CEP192: variants seen among roughly 807,000 people sequenced by gnomAD.
CEP192 encodes the protein centrosomal protein of 192 kDa.
A neutral mutation model predicts 271.8 loss-of-function variants in CEP192; 151 were observed. The ratio of observed to expected loss-of-function variants is 0.56; its 90% CI spans 0.49 to 0.64. The LOEUF (loss-of-function observed/expected upper bound fraction) is 0.64. Ranked by LOEUF, CEP192 falls within the 30% of genes least tolerant of loss-of-function variation. The pLI, the probability that CEP192 is intolerant of heterozygous loss-of-function variation, is 0.00. For missense variants in CEP192, 2,910 were observed against 3,020.5 expected (o/e 0.96, Z 0.86); for synonymous variants, 995 against 1,076.5 (o/e 0.92, Z 1.48).
At chr18:13,103,384 A>G in intron 38 of CEP192, 125 bp from the exon 39 acceptor site, 1 of 681,516 alleles carries the variant, frequency 1.5e-6, no homozygotes, top group East Asian at 2.5e-5. Flanking sequence ...TTCTTGTTGA[A>G]CTCCTTTAGG....
rs181818999 is a variant in CEP192 at position 13,103,369 on chromosome 18, T to C, written c.6872-140T>C. On this transcript the variant is annotated intron_variant, in intron 38 of 44. Transcript: ENST00000506447. The stretch of plus-strand genomic sequence containing the variant: ...CATACCTGATTTTTAAAGAAAATAC[T>C]GTGGTTCTTGTTGAACTCCTTTAGG... 3.9e-5 allele frequency: 25 copies of C among 644,698 alleles called. 1 individual carries two copies. The East Asian group carries it at 6.5e-4, about 17-fold the overall frequency. 39.9% of individuals were successfully genotyped at this position (644,698 alleles called of 1,614,324 possible).
intron 21 of CEP192, among the ~76,000 whole-genome samples, chr18:13,067,215 G>A (rs986273205): frequency 3.3e-5 from 5 of 152,106 alleles, no homozygotes; most frequent in Non-Finnish European, 7.4e-5. Flanking sequence ...TTAGGTGTTT[G>A]AAGTATACAG....
At chr18:13,043,947 C>G (rs138757715) in intron 15 of CEP192, among the ~76,000 whole-genome samples, 13 of 152,162 alleles carry the variant, frequency 8.5e-5, no homozygotes, top group African/African-American at 3.1e-4. Flanking sequence ...GTGTAATAAT[C>G]ACATCATGGG....
chr18:13,084,390 A>C (rs535010397), intron 30 of CEP192, among the ~76,000 whole-genome samples: 91 of 152,220 alleles, frequency 6.0e-4, no homozygotes, highest in African/African-American at 2.1e-3. Context: ...CTGCTGTGTT[A>C]GCAGTGAGCA....
At chr18:13,099,644 A>G in intron 37 of CEP192, 63 bp downstream of exon 37, 1 of 785,828 alleles carries the variant, frequency 1.3e-6, no homozygotes. Flanking sequence ...CTTCAGTTTT[A>G]TAATCCTTAT....
In CEP192 at chr18:13,087,653, T is replaced by G. The variant is rs373677532; in HGVS notation, c.5993+7T>G. On this transcript the variant is annotated splice_region_variant and intron_variant, in intron 32 of 44. Transcript: ENST00000506447. ...CAAGACAGCAGTATCGCAGGTAGAT[T>G]ACTTATCTTACACAATGTTGGGAAC... The G allele has an allele frequency of 1.5e-5, 21 of 1,356,812 alleles. No homozygotes were observed. The African/African-American group carries it at 3.1e-4, about 20-fold the overall frequency. The allele number at this position is 1,356,812 out of a possible 1,614,324, so 84.0% of individuals were successfully genotyped here.
chr18:13,099,149 C>T (rs560770809), intron 36 of CEP192, among the ~76,000 whole-genome samples: 3 of 121,678 alleles, frequency 2.5e-5, no homozygotes, highest in Admixed American at 1.1e-4. Context: ...AGCTTCGGCT[C>T]GGCATCAGAG....
chr18:12,999,729 A>G, intron 2 of CEP192, 141 bp downstream of exon 2: 1 of 542,516 alleles, frequency 1.8e-6, no homozygotes, highest in Non-Finnish European at 3.0e-6. Context: ...TGAATATAGA[A>G]AAGACAGAAT....
intron 31 of CEP192, 105 bp from the exon 32 acceptor site, chr18:13,087,426 A>C (rs2038947290): frequency 1.1e-6 from 1 of 912,176 alleles, no homozygotes; most frequent in East Asian, 2.7e-5. Context: ...ATGCGTATGC[A>C]CTTGTGTCTG....
intron 16 of CEP192, 39 bp from the exon 17 acceptor site, chr18:13,049,726 T>G (rs2036673446): frequency 6.2e-7 from 1 of 1,604,362 alleles, no homozygotes; most frequent in African/African-American, 1.3e-5. Context: ...TTACAAAGTT[T>G]ATTTTCTCTT....
In CEP192 at chr18:13,049,521, G is replaced by A. The variant is rs976412830; in HGVS notation, c.2730G>A (p.Val910=). Residue 910 remains valine, a synonymous_variant, in exon 16 of 45, where the codon GTG becomes GTA. Transcript: ENST00000506447. ...CTCCATCTGATAGTTATTCATCAGT[G>A]AGGAACCCCAGAATAACATCCCTTT... ...ISTPSDSYSS[V]RNPRITSLCL... 1.5e-5 allele frequency: 25 copies of A among 1,613,956 alleles called. No individual in the cohort carries two copies. The highest frequency in any genetic ancestry group is 2.1e-5 in the Non-Finnish European group (25 of 1,180,022).
intron 36 of CEP192, among the ~76,000 whole-genome samples, chr18:13,098,722 C>A (rs1248929310): frequency 6.6e-6 from 1 of 151,648 alleles, no homozygotes; most frequent in Admixed American, 6.6e-5. Flanking sequence ...AGGGGCCCCT[C>A]ACATCCCAGA....
At chr18:13,030,070 T>G (rs2035530415) in intron 10 of CEP192, 68 bp downstream of exon 10, 1 of 1,218,012 alleles carries the variant, frequency 8.2e-7, no homozygotes, top group Admixed American at 2.6e-5. Flanking sequence ...AGGACATATT[T>G]TCATGTGAAA....
chr18:13,107,883 CAA>C (rs58195253), intron 40 of CEP192, among the ~76,000 whole-genome samples: 18,880 of 130,836 alleles, frequency 0.14, 1,338 homozygotes, highest in East Asian at 0.32. Context: ...ATAGTATCTC[CAA>C]AAAAAAAAAA....
At chr18:13,002,478 A>C (rs1168143603) in intron 3 of CEP192, among the ~76,000 whole-genome samples, 2 of 152,148 alleles carry the variant, frequency 1.3e-5, no homozygotes, top group Admixed American at 1.3e-4. Context: ...CTACATGTAC[A>C]TTTATATATA....
chr18:13,024,222 C>G lies in CEP192; in HGVS notation c.1050+5016C>G. 3 of 422,078 alleles carry G rather than the reference C, an allele frequency of 7.1e-6. 1 individual carries two copies. Among genetic ancestry groups the G allele is most frequent in the Non-Finnish European group, 1.4e-5 (3 of 211,944 alleles). 26.1% of individuals were successfully genotyped at this position (422,078 alleles called of 1,614,324 possible). A position where few individuals can be genotyped will look rare whatever the true frequency, so the allele number is the denominator to read the frequency against. ...GTTATGTCTTCCTAGAGAATTGATT[C>G]CTCTATATCATTATGTAGTACCCTG... is the stretch of plus-strand genomic sequence containing the variant. On this transcript the variant is annotated intron_variant, in intron 9 of 44. Transcript: ENST00000506447.
chr18:13,085,662 C>A (rs2038864249), intron 30 of CEP192, among the ~76,000 whole-genome samples: 1 of 152,166 alleles, frequency 6.6e-6, no homozygotes, highest in Non-Finnish European at 1.5e-5. Flanking sequence ...ATCCTTTCCC[C>A]ATTTCTTGTT....
chr18:13,001,031 G>T (rs1172033868), intron 2 of CEP192, among the ~76,000 whole-genome samples: 1 of 152,120 alleles, frequency 6.6e-6, no homozygotes, highest in African/African-American at 2.4e-5. Flanking sequence ...ATTGATGTTT[G>T]GTTAAATACA....
At position 13,059,124 on chromosome 18, in the gene CEP192, GC is replaced by G; in HGVS notation, c.4302del (p.Ile1435SerfsTer2). 2 of 1,614,012 alleles carry G rather than the reference GC, an allele frequency of 1.2e-6. No individual in the cohort carries two copies. Among genetic ancestry groups the G allele is most frequent in the Non-Finnish European group, 1.7e-6 (2 of 1,179,934 alleles). ...TCGTTGTTTAGTTTTCAAGAATAAA[GC>G]CATCATAAGACCTCATGCCACAGAA... ...TYRCLVFKNK[A>X]IIRPHATEEI... On this transcript the variant is annotated frameshift_variant, in exon 21 of 45. Transcript: ENST00000506447. LOFTEE classifies it high-confidence loss of function.
Sources: gnomAD v4.1 joint callset for allele counts (sites outside exome capture counted in the v4.1 genomes callset) on GRCh38, gnomAD v4.1.1 for gene constraint, MANE v1.5 for transcripts, NCBI Gene and HGNC (gene_info 2026-07-23, HGNC 2026-07-21) for gene names.